Variants in SON observed in about 807,000 individuals in gnomAD.
The protein encoded by SON is SON DNA and RNA binding protein.
Under a neutral mutation model 173.3 loss-of-function variants are expected in SON, and 4 were observed. The observed-to-expected ratio is 0.02, with a 90% CI of 0.01 to 0.05. The LOEUF is 0.05. SON is among the 10% of genes least tolerant of loss of function. The pLI, the probability that SON is intolerant of heterozygous loss-of-function variation, is 1.00. For missense variants in SON, 2,626 were observed against 3,055.3 expected, an observed-to-expected ratio of 0.86 and a Z score of 3.31; for synonymous variants, 1,190 against 1,105.9, an observed-to-expected ratio of 1.08 and a Z score of -1.51.
rs1321639521 is a variant in SON, at chr21:33,550,129, T to G, written c.898T>G (p.Leu300Val). The G allele has an allele frequency of 6.2e-7, 1 of 1,614,170 alleles. No individual in the cohort carries two copies. Among genetic ancestry groups the G allele is most frequent in the Non-Finnish European group, 8.5e-7 (1 of 1,180,048 alleles). ...MLVEPPVAKV[L>V]EPSETLVVSS... ...GGTAGAGCCCCCAGTAGCAAAAGTG[T>G]TAGAGCCTTCAGAAACCCTTGTGGT... The change falls in exon 3 of 12, where the codon TTA (leucine) becomes GTA (valine). Residue 300 changes from leucine to valine, a missense_variant. Physicochemically the swap from Leu to Val is conservative, Grantham distance 32 (BLOSUM62 1). This residue lies in a region of SON where 757 missense variants were observed against 730.1 expected (regional missense o/e 1.04). Coordinates refer to ENST00000356577, the MANE Select transcript of SON (RefSeq NM_138927.4).
chr21:33,549,381 G>A, intron 2 of SON, 95 bp from the exon 3 acceptor site: 1 of 1,067,284 alleles, frequency 9.4e-7, no homozygotes, highest in Non-Finnish European at 1.3e-6. Flanking sequence ...CCTGTACTAA[G>A]GTGTTTTAAC....
chr21:33,560,444 G>A lies in SON; in HGVS notation c.6657+669G>A, dbSNP rs569695303. 1.2e-4 allele frequency: 131 copies of A among 1,072,996 alleles called. No homozygotes were observed. The African/African-American group carries it at 1.8e-3, about 15-fold the overall frequency. 66.5% of individuals were successfully genotyped at this position (1,072,996 alleles called of 1,614,324 possible). ...AAAGTCGGAGAAGTGGAATTCAAAC[G>A]TTGAAATTTCCACGGGGCTATAGTT... On this transcript the variant is annotated intron_variant, in intron 6 of 11. Coordinates refer to ENST00000356577, the MANE Select transcript of SON (RefSeq NM_138927.4).
chr21:33,567,595 G>A (rs1000863720), intron 7 of SON: 1 of 211,856 alleles, frequency 4.7e-6, no homozygotes, highest in Non-Finnish European at 9.6e-6. Flanking sequence ...ATTAATAGTT[G>A]CCATATTTCA....
chr21:33,557,470 C>G, intron 4 of SON, 154 bp downstream of exon 4: 1 of 1,547,942 alleles, frequency 6.5e-7, no homozygotes, highest in South Asian at 1.2e-5. Flanking sequence ...GGCAGAAGCT[C>G]TGTTTAGCAG....
intron 7 of SON, among the ~76,000 whole-genome samples, 179 bp from the exon 8 acceptor site, chr21:33,568,792 G>T (rs1412831208): frequency 6.6e-6 from 1 of 152,172 alleles, no homozygotes; most frequent in Admixed American, 6.5e-5. Flanking sequence ...TTATTAATGG[G>T]ATTCACTAAA....
intron 1 of SON, among the ~76,000 whole-genome samples, chr21:33,544,634 TCA>T (rs2085569655): frequency 2.0e-5 from 3 of 152,228 alleles, no homozygotes; most frequent in Non-Finnish European, 4.4e-5. Context: ...TTTATCCCTC[TCA>T]GTCTCAGTCT....
At chr21:33,567,482 T>G in intron 7 of SON, 1 of 526,376 alleles carries the variant, frequency 1.9e-6, no homozygotes, top group Non-Finnish European at 3.5e-6. Context: ...GCAGGAACTG[T>G]TTCTTGAGAG....
chr21:33,563,246 T>G (rs2086102202), intron 6 of SON, among the ~76,000 whole-genome samples: 1 of 152,146 alleles, frequency 6.6e-6, no homozygotes, highest in East Asian at 1.9e-4. Flanking sequence ...TGTTTTCCCG[T>G]TGTACTTCAT....
chr21:33,568,739 C>T (rs2086224100), intron 7 of SON, among the ~76,000 whole-genome samples: 1 of 152,208 alleles, frequency 6.6e-6, no homozygotes, highest in African/African-American at 2.4e-5. Flanking sequence ...ATATTAACAG[C>T]TGTATTTTTT....
chr21:33,550,577 T>C lies in SON; in HGVS notation c.1346T>C (p.Leu449Ser). 6.2e-7 allele frequency: 1 copy of C among 1,613,674 alleles called. No individual in the cohort carries two copies. Among genetic ancestry groups the C allele is most frequent in the Non-Finnish European group, 8.5e-7 (1 of 1,179,900 alleles). ...CCCTCTGTGACACCAGTGCCACAGT[T>C]GTCGCAGGAATTGCCAGGGCTTCCA... ...PGPSVTPVPQ[L>S]SQELPGLPAP... The change falls in exon 3 of 12, where the codon TTG becomes TCG. Residue 449 changes from leucine to serine, a missense_variant. Leu to Ser is a moderately radical substitution (Grantham distance 145, BLOSUM62 -2). Around this residue, in one of 13 missense-constraint regions of SON, gnomAD observed 757 missense variants for 730.1 expected, o/e 1.04. Transcript: ENST00000356577.
rs914565285 is a variant in SON, at chr21:33,556,500, G to A, written c.6161-656G>A. On this transcript the variant is annotated intron_variant, in intron 3 of 11. Coordinates refer to ENST00000356577, the MANE Select transcript of SON (RefSeq NM_138927.4). ...GGCCGAGGCAGGTGGATCACCTGAG[G>A]TCAGGAGTTCGAGACCAGCCTGGCC... 2.6e-5 allele frequency among the ~76,000 whole-genome samples: 4 copies of A among 152,056 alleles called. No homozygotes were observed. In the South Asian group the frequency reaches 6.2e-4, roughly 24 times the overall value.
At chr21:33,561,631 A>T (rs1005569861) in intron 6 of SON, among the ~76,000 whole-genome samples, 2 of 152,012 alleles carry the variant, frequency 1.3e-5, no homozygotes, top group East Asian at 1.9e-4. Context: ...TGAGAGAGAG[A>T]GAGTGTGTGT....
At position 33,563,026 on chromosome 21, in the gene SON, C is replaced by G. The variant is rs1004095216; in HGVS notation, c.6657+3251C>G. 2.6e-5 allele frequency among the ~76,000 whole-genome samples: 4 copies of G among 152,218 alleles called. No homozygotes were observed. The East Asian group carries it at 7.7e-4, about 29-fold the overall frequency. On this transcript the variant is annotated intron_variant, in intron 6 of 11. Transcript: ENST00000356577. ...TTGTATTTATCAAATCATATTTCCA[C>G]ATCCCAATGGAATTACAATTTTTTT...
Position 33,552,811 on chromosome 21 carries a change from A to G in SON, c.3580A>G (p.Thr1194Ala). The change falls in exon 3 of 12, where the codon ACT (threonine) becomes GCT (alanine). Residue 1194 changes from threonine (T) to alanine (A), a missense_variant. This residue lies in a region of SON where 1,006 missense variants were observed against 895.6 expected (regional missense o/e 1.12). Coordinates refer to ENST00000356577, the MANE Select transcript of SON (RefSeq NM_138927.4). The surrounding 1 kb of genome is among the most constrained non-coding windows in gnomAD (Gnocchi z 5.6). ...TEQSALTAEN[T>A]WPTEVPSSPS... Reference sequence around the variant, plus strand: ...GCAGTCAGCATTAACAGCTGAAAATACTTGGCCTACAGAGGTGCCATCATC... The same window carrying G: ...GCAGTCAGCATTAACAGCTGAAAATGCTTGGCCTACAGAGGTGCCATCATC... 1 of 1,613,876 alleles carries G rather than the reference A, an allele frequency of 6.2e-7. No individual in the cohort carries two copies. Among genetic ancestry groups the G allele is most frequent in the Non-Finnish European group, 8.5e-7 (1 of 1,179,946 alleles).
chr21:33,543,440 G>T, intron 1 of SON: 2 of 487,014 alleles, frequency 4.1e-6, no homozygotes, highest in East Asian at 7.7e-5. Context: ...CCCTGTTTGG[G>T]TCCCCCCTGC....
At position 33,575,891 on chromosome 21, in the gene SON, AG is replaced by A; in HGVS notation, c.7221+1del. The A allele has an allele frequency of 6.7e-7, 1 of 1,485,326 alleles. No individual in the cohort carries two copies. Among genetic ancestry groups the A allele is most frequent in the Non-Finnish European group, 9.3e-7 (1 of 1,071,470 alleles). 92.0% of individuals were successfully genotyped at this position (1,485,326 alleles called of 1,614,324 possible). ...TGATCATCGCAAACATTTTCTCTTT[AG>A]GGTAAATATGAATTTCTGCATTAAT... ...GPDHRKHFLFRVLRNGALTRP... is the reference protein window; with the variant it reads ...GPDHRKHFLFXVLRNGALTRP... On this transcript the variant is annotated frameshift_variant and splice_region_variant, in exon 11 of 12. Transcript: ENST00000356577. LOFTEE classifies it high-confidence loss of function.
chr21:33,571,076 T>C (rs969908697), intron 8 of SON, among the ~76,000 whole-genome samples: 1 of 152,194 alleles, frequency 6.6e-6, no homozygotes, highest in Admixed American at 6.5e-5. Context: ...TTATGTAAGA[T>C]ATACTTTGGG....
chr21:33,543,237 C>T (rs1464013973), intron 1 of SON, 68 bp downstream of exon 1: 2 of 1,393,528 alleles, frequency 1.4e-6, no homozygotes, highest in Non-Finnish European at 2.0e-6. Flanking sequence ...TCTTTGGCAC[C>T]TTTCTTCGGA....
intron 3 of SON, among the ~76,000 whole-genome samples, chr21:33,555,804 T>C (rs574071362): frequency 8.8e-4 from 134 of 152,346 alleles, no homozygotes; most frequent in African/African-American, 3.1e-3. Context: ...TTAAATAAGT[T>C]AACATATCTT....
Sources: gnomAD v4.1 joint callset for allele counts (sites outside exome capture counted in the v4.1 genomes callset) on GRCh38, gnomAD v4.1.1 for gene constraint, gnomAD v4.1.1 regional missense constraint, Gnocchi (gnomAD v3.1) non-coding constraint, MANE v1.5 for transcripts, NCBI Gene and HGNC (gene_info 2026-07-23, HGNC 2026-07-21) for gene names.